MCTP1: variants seen among roughly 807,000 people sequenced by gnomAD.
The protein encoded by MCTP1 is multiple C2 and transmembrane domain containing 1, also known as multiple C2 and transmembrane domain-containing protein 1.
In MCTP1, 69 loss-of-function variants were observed where a neutral mutation model predicts 120.6. The observed-to-expected ratio is 0.57, with a 90% CI of 0.47 to 0.70. The LOEUF is 0.70. MCTP1 is among the 30% of genes least tolerant of loss of function. The pLI, the probability that MCTP1 is intolerant of heterozygous loss-of-function variation, is 0.00. For synonymous variants in MCTP1, 529 were observed against 493.1 expected (o/e 1.07, Z -0.96); for missense variants, 1,203 against 1,248.8 (o/e 0.96, Z 0.55).
rs373397501 is a variant in MCTP1, at chr5:95,181,512, G to A, written c.720+102344C>T. Among the ~76,000 whole-genome samples, 27 of 152,148 alleles carry A rather than the reference G, an allele frequency of 1.8e-4. No homozygotes were observed. In the South Asian group the frequency reaches 4.8e-3, roughly 27 times the overall value. Reference sequence around the variant, plus strand: ...TTATATAAAAGAGCACTTCCTGTTCGCATCCCTGTTCCCTCTTCATTTTCC... The same window carrying A: ...TTATATAAAAGAGCACTTCCTGTTCACATCCCTGTTCCCTCTTCATTTTCC... On this transcript the variant is annotated intron_variant, in intron 1 of 22. Transcript: ENST00000515393.
chr5:94,932,449 C>A lies in MCTP1; in HGVS notation c.1174-458G>T, dbSNP rs1363906648. ...AGTTAATCTTTAACTACATCAGGGCCTACAAATGCTTTCAATTAAAAACAA... is the reference window on the plus strand; with the variant it reads ...AGTTAATCTTTAACTACATCAGGGCATACAAATGCTTTCAATTAAAAACAA... On this transcript the variant is annotated intron_variant, in intron 5 of 22. Transcript: ENST00000515393. Among the ~76,000 whole-genome samples the A allele has an allele frequency of 3.3e-5, 5 of 152,064 alleles. No individual in the cohort carries two copies. The East Asian group carries it at 5.8e-4, about 18-fold the overall frequency.
chr5:95,175,341 G>A (rs1485796225), intron 1 of MCTP1, among the ~76,000 whole-genome samples: 2 of 152,152 alleles, frequency 1.3e-5, no homozygotes, highest in Non-Finnish European at 2.9e-5. Context: ...AGGCAAACAC[G>A]CAGGAAATGG....
At chr5:94,817,340 G>A (rs553381640) in intron 17 of MCTP1, among the ~76,000 whole-genome samples, 13 of 152,200 alleles carry the variant, frequency 8.5e-5, no homozygotes, top group South Asian at 8.3e-4. Context: ...CCCATGAGGC[G>A]GAGGTTGCAG....
At chr5:95,276,039 A>T (rs1307141544) in intron 1 of MCTP1, among the ~76,000 whole-genome samples, 3 of 152,124 alleles carry the variant, frequency 2.0e-5, no homozygotes, top group Non-Finnish European at 4.4e-5. Flanking sequence ...CATGGGAGAA[A>T]AACGTCCTTT....
chr5:94,870,623 A>G (rs1797663363), intron 15 of MCTP1, 132 bp from the exon 16 acceptor site: 1 of 735,076 alleles, frequency 1.4e-6, no homozygotes, highest in African/African-American at 1.8e-5. Context: ...ATATAAATGT[A>G]TACAGTTGCA....
rs371189379 is a variant in MCTP1, at chr5:94,909,419, C to CT, written c.1522-39dup. 7.4e-4 allele frequency: 1,145 copies of CT among 1,555,584 alleles called. 11 individuals are homozygous for CT. In the African/African-American group the frequency reaches 0.014, roughly 19 times the overall value. ...ATCATAATTGTCATATTGCTAGCAG[C>CT]TTTTTAAAAAAAACTTCAACCTGAG... On this transcript the variant is annotated intron_variant, in intron 9 of 22. Coordinates refer to ENST00000515393, the MANE Select transcript of MCTP1 (RefSeq NM_024717.7).
At chr5:95,087,548 C>G (rs753226021) in intron 1 of MCTP1, among the ~76,000 whole-genome samples, 1 of 152,150 alleles carries the variant, frequency 6.6e-6, no homozygotes, top group Non-Finnish European at 1.5e-5. Context: ...GGCTACAGCT[C>G]TGGGTTGTTA....
chr5:94,909,382 C>A lies in MCTP1; in HGVS notation c.1522-1G>T. 6.4e-7 allele frequency: 1 copy of A among 1,567,568 alleles called. No homozygotes were observed. The highest frequency in any genetic ancestry group is 2.1e-5 in the Admixed American group (1 of 46,746). ...GAGGATTCAACGTTTTTGGCATAAT[C>A]TGGAAAAAAAAATCATAATTGTCAT... On this transcript the variant is annotated splice_acceptor_variant, in intron 9 of 22. Coordinates refer to ENST00000515393, the MANE Select transcript of MCTP1 (RefSeq NM_024717.7). LOFTEE classifies it high-confidence loss of function.
intron 1 of MCTP1, among the ~76,000 whole-genome samples, chr5:95,046,590 C>T (rs1205740066): frequency 2.6e-5 from 4 of 152,142 alleles, no homozygotes; most frequent in Non-Finnish European, 5.9e-5. Context: ...TCACCATTTT[C>T]ACCTTTCAAC....
intron 1 of MCTP1, among the ~76,000 whole-genome samples, chr5:95,183,837 A>G (rs1748888167): frequency 1.3e-5 from 2 of 152,220 alleles, no homozygotes; most frequent in South Asian, 4.1e-4. Flanking sequence ...AATACCAAAG[A>G]AGGGTGAAGA....
At chr5:94,941,780 T>C (rs1213035731) in intron 4 of MCTP1, among the ~76,000 whole-genome samples, 1 of 150,800 alleles carries the variant, frequency 6.6e-6, no homozygotes, top group Non-Finnish European at 1.5e-5. Flanking sequence ...GAATGATTAA[T>C]ATTAGTAACA....
chr5:94,932,519 G>T (rs934662521), intron 5 of MCTP1, among the ~76,000 whole-genome samples: 1 of 151,976 alleles, frequency 6.6e-6, no homozygotes, highest in African/African-American at 2.4e-5. Context: ...CCTGCTAAAC[G>T]TTTAGTGAAA....
chr5:94,917,063 A>T (rs1048907071), intron 8 of MCTP1, among the ~76,000 whole-genome samples: 7 of 152,250 alleles, frequency 4.6e-5, no homozygotes, highest in Non-Finnish European at 7.3e-5. Flanking sequence ...TAAAAAGAGA[A>T]GTAGGACCCT....
At chr5:95,180,298 A>G (rs1748463272) in intron 1 of MCTP1, among the ~76,000 whole-genome samples, 1 of 152,204 alleles carries the variant, frequency 6.6e-6, no homozygotes, top group Admixed American at 6.5e-5. Context: ...TTCCCTCTCC[A>G]TTCCCACCTC....
At chr5:95,207,053 G>T (rs1448605712) in intron 1 of MCTP1, among the ~76,000 whole-genome samples, 1 of 152,026 alleles carries the variant, frequency 6.6e-6, no homozygotes, top group Non-Finnish European at 1.5e-5. Context: ...TGTTATTGTT[G>T]TTGTTTTTAC....
intron 2 of MCTP1, among the ~76,000 whole-genome samples, 187 bp downstream of exon 2, chr5:95,017,180 C>A (rs1326519668): frequency 6.6e-6 from 1 of 152,076 alleles, no homozygotes; most frequent in African/African-American, 2.4e-5. Context: ...AGTTTTGGAA[C>A]TTGCATCAAA....
intron 1 of MCTP1, among the ~76,000 whole-genome samples, chr5:95,262,959 T>C (rs1317082292): frequency 2.6e-5 from 4 of 152,210 alleles, no homozygotes; most frequent in Non-Finnish European, 5.9e-5. Flanking sequence ...GCAAAGCATA[T>C]ATGAAGCAAA....
intron 1 of MCTP1, among the ~76,000 whole-genome samples, chr5:95,245,704 T>C (rs534236329): frequency 4.4e-4 from 67 of 151,920 alleles, no homozygotes; most frequent in Admixed American, 1.6e-3. Flanking sequence ...CTACATTTGA[T>C]TGGTGTACCG....
chr5:95,172,809 TGGTAGG>T (rs1747492663), intron 1 of MCTP1, among the ~76,000 whole-genome samples: 1 of 152,168 alleles, frequency 6.6e-6, no homozygotes, highest in Non-Finnish European at 1.5e-5. Flanking sequence ...CCATTGCTTA[TGGTAGG>T]GGCAGTGTTA....
Sources: gnomAD v4.1 joint callset for allele counts (sites outside exome capture counted in the v4.1 genomes callset) on GRCh38, gnomAD v4.1.1 for gene constraint, MANE v1.5 for transcripts, NCBI Gene and HGNC (gene_info 2026-07-23, HGNC 2026-07-21) for gene names.